The following FRMPD1 variants were observed in gnomAD, a reference collection of about 807,000 sequenced individuals.
FRMPD1 encodes the protein FERM and PDZ domain-containing protein 1.
FRMPD1 carries 76 observed loss-of-function variants against 117.8 expected under a neutral mutation model. The ratio of observed to expected loss-of-function variants is 0.65; its 90% CI spans 0.54 to 0.78. The LOEUF (loss-of-function observed/expected upper bound fraction) is 0.78. Ranked by LOEUF, FRMPD1 falls within the 30% of genes least tolerant of loss-of-function variation. FRMPD1 has a pLI of 0.00. For missense variants in FRMPD1, 1,786 were observed against 1,964.5 expected, an observed-to-expected ratio of 0.91 and a Z score of 1.72; for synonymous variants, 783 against 770.4, an observed-to-expected ratio of 1.02 and a Z score of -0.27.
chr9:37,653,694 A>G (rs574852419), intron 1 of FRMPD1, among the ~76,000 whole-genome samples: 1 of 152,332 alleles, frequency 6.6e-6, no homozygotes, highest in East Asian at 1.9e-4. Context: ...CTTTGTCCAT[A>G]TAGCTGGGAG....
the FRMPD1 span, among the ~76,000 whole-genome samples, chr9:37,632,368 C>A: frequency 6.6e-6 from 1 of 152,106 alleles, no homozygotes; most frequent in Non-Finnish European, 1.5e-5. Flanking sequence ...TATCAGAAAA[C>A]CAAGTCAAAT....
the FRMPD1 span, among the ~76,000 whole-genome samples, chr9:37,638,050 CCTTT>C: frequency 3.9e-5 from 3 of 76,082 alleles, no homozygotes; most frequent in African/African-American, 9.0e-5. Flanking sequence ...TTCTTTCTTT[CCTTT>C]CTTTCTTTCC....
intron 1 of FRMPD1, among the ~76,000 whole-genome samples, chr9:37,673,644 ACTTTTGCCTGGGCATCCAGG>A (rs1279465511): frequency 6.6e-6 from 1 of 152,208 alleles, no homozygotes; most frequent in Non-Finnish European, 1.5e-5. Flanking sequence ...CCTGCAGCAA[ACTTTTGCCTGGGCATCCAGG>A]CATTTCCATA....
intron 2 of FRMPD1, among the ~76,000 whole-genome samples, chr9:37,701,276 C>A (rs1375125709): frequency 6.6e-6 from 1 of 152,268 alleles, no homozygotes; most frequent in South Asian, 2.1e-4. Flanking sequence ...AATTATTAAC[C>A]CTACTCTATG....
the FRMPD1 span, among the ~76,000 whole-genome samples, chr9:37,625,290 C>T: frequency 2.6e-5 from 4 of 152,144 alleles, no homozygotes; most frequent in African/African-American, 7.2e-5. Context: ...TTTTCTTGGT[C>T]TGATCCTCAG....
At chr9:37,722,917 C>T (rs529045033) in intron 6 of FRMPD1, among the ~76,000 whole-genome samples, 2 of 152,250 alleles carry the variant, frequency 1.3e-5, no homozygotes, top group South Asian at 4.1e-4. Flanking sequence ...CTTACGAGAG[C>T]TGGGAGATTC....
chr9:37,731,572 T>G (rs572656683), intron 9 of FRMPD1, among the ~76,000 whole-genome samples: 1 of 152,272 alleles, frequency 6.6e-6, no homozygotes, highest in East Asian at 1.9e-4. Flanking sequence ...TTTATTCTGA[T>G]GAAAAATAAT....
In FRMPD1 at chr9:37,740,844, T is replaced by C; in HGVS notation, c.2316T>C (p.Tyr772=). Reference sequence around the variant, plus strand: ...ATGGCAGCTCAGATGAGGAATACTATGACGCGGCTGATAAGCTCACTCCCC... The same window carrying C: ...ATGGCAGCTCAGATGAGGAATACTACGACGCGGCTGATAAGCTCACTCCCC... ...FEDGSSDEEY[Y]DAADKLTPPG... The change falls in exon 15 of 16, where the codon TAT becomes TAC. Residue 772 remains tyrosine (Y), a synonymous_variant. Coordinates refer to ENST00000377765, the MANE Select transcript of FRMPD1 (RefSeq NM_014907.3). This position sits in a 1 kb window ranked among gnomAD's most constrained non-coding sequence, Gnocchi z 4.2. 1 of 1,614,114 alleles carries C rather than the reference T, an allele frequency of 6.2e-7. No homozygotes were observed. The highest frequency in any genetic ancestry group is 8.5e-7 in the Non-Finnish European group (1 of 1,179,984).
chr9:37,688,608 A>G (rs993308733), intron 1 of FRMPD1, among the ~76,000 whole-genome samples: 4 of 152,108 alleles, frequency 2.6e-5, no homozygotes, highest in African/African-American at 9.6e-5. Flanking sequence ...TTTTTATTGT[A>G]AAGCTTTCAT....
rs559954392 is a variant in FRMPD1, at chr9:37,719,082, C to A, written c.422C>A (p.Ser141Ter). ...ACTGTTTTTCAGGGAGTCCCTAAAT[C>A]GTCCTTCCTGACCGAGGAGAAGAGA... ...VVRCTSGVPK[S>*]SFLTEEKRAR... is the part of the protein sequence containing the mutation. Residue 141 changes from serine (S) to a stop codon, truncating the protein, a stop_gained, in exon 6 of 16, where the codon TCG (serine) becomes TAG (stop). Coordinates refer to ENST00000377765, the MANE Select transcript of FRMPD1 (RefSeq NM_014907.3). LOFTEE classifies it high-confidence loss of function. 2.5e-6 allele frequency: 4 copies of A among 1,608,064 alleles called. No individual in the cohort carries two copies. Among genetic ancestry groups the A allele is most frequent in the African/African-American group, 2.7e-5 (2 of 74,908 alleles).
At chr9:37,705,539 A>G (rs1447014722) in intron 2 of FRMPD1, among the ~76,000 whole-genome samples, 1 of 152,146 alleles carries the variant, frequency 6.6e-6, no homozygotes, top group Non-Finnish European at 1.5e-5. Flanking sequence ...TCAAGTGATT[A>G]GCTAGCCTCA....
intron 1 of FRMPD1, among the ~76,000 whole-genome samples, chr9:37,660,404 A>G (rs775029043): frequency 6.6e-6 from 1 of 152,136 alleles, no homozygotes; most frequent in Non-Finnish European, 1.5e-5. Context: ...CAGTGTATCC[A>G]AAGTTGACCT....
chr9:37,605,361 T>C, the FRMPD1 span, among the ~76,000 whole-genome samples: 3 of 152,174 alleles, frequency 2.0e-5, no homozygotes. Context: ...TGACAGATCA[T>C]GGCAGGACTC....
At chr9:37,738,238 C>A (rs1393672450) in intron 14 of FRMPD1, among the ~76,000 whole-genome samples, 1 of 152,164 alleles carries the variant, frequency 6.6e-6, no homozygotes, top group Admixed American at 6.5e-5. Context: ...TAGAGTGTTT[C>A]CTCTATATGG....
chr9:37,619,759 G>GAA, the FRMPD1 span, among the ~76,000 whole-genome samples: 4 of 116,494 alleles, frequency 3.4e-5, no homozygotes, highest in Non-Finnish European at 3.7e-5. Flanking sequence ...CTCCAGCTCA[G>GAA]AAAAAAAAAA....
At chr9:37,605,586 C>G in the FRMPD1 span, among the ~76,000 whole-genome samples, 22,623 of 152,178 alleles carry the variant, frequency 0.15, 2,127 homozygotes, top group Admixed American at 0.2. Flanking sequence ...GAAAGGCCAC[C>G]TATCTGATAG....
chr9:37,635,191 C>T, the FRMPD1 span, among the ~76,000 whole-genome samples: 2 of 152,122 alleles, frequency 1.3e-5, no homozygotes, highest in Non-Finnish European at 2.9e-5. Context: ...ATTGGCTGTC[C>T]TCTATGGGTA....
chr9:37,670,276 G>A (rs67570888), intron 1 of FRMPD1, among the ~76,000 whole-genome samples: 35,175 of 152,038 alleles, frequency 0.23, 4,201 homozygotes, highest in Middle Eastern at 0.28. Flanking sequence ...TTTATCAGGA[G>A]GTAGAGAACA....
At chr9:37,607,415 T>A in the FRMPD1 span, among the ~76,000 whole-genome samples, 30 of 152,262 alleles carry the variant, frequency 2.0e-4, no homozygotes, top group African/African-American at 7.2e-4. Context: ...AGCAGTCAGT[T>A]CAGTTTATGT....
Sources: gnomAD v4.1 joint callset for allele counts (sites outside exome capture counted in the v4.1 genomes callset) on GRCh38, gnomAD v4.1.1 for gene constraint, Gnocchi (gnomAD v3.1) non-coding constraint, MANE v1.5 for transcripts, NCBI Gene and HGNC (gene_info 2026-07-23, HGNC 2026-07-21) for gene names.